Variants in NUP153 observed in about 807,000 individuals in gnomAD.
NUP153 encodes nuclear pore complex protein Nup153.
A neutral mutation model predicts 134.6 loss-of-function variants in NUP153; 27 were observed. The ratio of observed to expected loss-of-function variants is 0.20; its 90% confidence interval spans 0.15 to 0.28. The LOEUF is 0.28. NUP153 is among the 10% of genes least tolerant of loss of function. The probability of loss-of-function intolerance (pLI) is 1.00; values close to 1 mark genes in which losing one functional copy is unlikely to be tolerated. For synonymous variants in NUP153, 640 were observed against 623.5 expected (o/e 1.03, Z -0.40); for missense variants, 1,821 against 1,731.3 (o/e 1.05, Z -0.92).
At chr6:17,645,450 C>T (rs531820277) in intron 14 of NUP153, among the ~76,000 whole-genome samples, 2 of 149,274 alleles carry the variant, frequency 1.3e-5, no homozygotes, top group South Asian at 2.1e-4. Flanking sequence ...CACACCACCA[C>T]CTGGTTATTT....
intron 1 of NUP153, among the ~76,000 whole-genome samples, chr6:17,704,318 C>T (rs1046689798): frequency 2.0e-5 from 3 of 150,498 alleles, no homozygotes; most frequent in Admixed American, 6.6e-5. Context: ...GCTGTGATAA[C>T]TTCAGACATC....
At chr6:17,701,695 G>A (rs1019814593) in intron 1 of NUP153, among the ~76,000 whole-genome samples, 3 of 151,412 alleles carry the variant, frequency 2.0e-5, no homozygotes, top group Admixed American at 6.6e-5. Flanking sequence ...TTAGCTAGGC[G>A]TGGTGGCCTG....
Position 17,638,687 on chromosome 6 carries a change from C to T in NUP153, c.1847-917G>A, listed in dbSNP as rs1487779023. ...TAATTTCAGTCAAATGAAGATTCTC[C>T]CCAAACATTTCCTATTTAAGAAGTA... is the stretch of plus-strand genomic sequence containing the variant. On this transcript the variant is annotated intron_variant, in intron 15 of 21. Transcript: ENST00000262077. This position sits in a 1 kb window ranked among gnomAD's most constrained non-coding sequence, Gnocchi z 4.0. Among the ~76,000 whole-genome samples, 23 of 152,118 alleles carry T rather than the reference C, an allele frequency of 1.5e-4. No individual in the cohort carries two copies.
intron 2 of NUP153, among the ~76,000 whole-genome samples, chr6:17,686,275 T>C (rs576501842): frequency 3.3e-5 from 5 of 152,342 alleles, no homozygotes; most frequent in South Asian, 2.1e-4. Context: ...TGGATGTTAA[T>C]GCCCCTGAAG....
At chr6:17,669,258 C>T (rs1380518780) in intron 7 of NUP153, 35 bp downstream of exon 7, 2 of 1,574,932 alleles carry the variant, frequency 1.3e-6, no homozygotes, top group East Asian at 2.2e-5. Context: ...TTTGTATGAA[C>T]AATATTTTGT....
At chr6:17,645,158 G>C (rs940642418) in intron 14 of NUP153, among the ~76,000 whole-genome samples, 1 of 149,992 alleles carries the variant, frequency 6.7e-6, no homozygotes, top group Non-Finnish European at 1.5e-5. Context: ...AGGAGAAATC[G>C]TTTGAATTCG....
chr6:17,643,472 C>T (rs779833512), intron 14 of NUP153, among the ~76,000 whole-genome samples: 73 of 152,204 alleles, frequency 4.8e-4, no homozygotes, highest in Non-Finnish European at 9.1e-4. Flanking sequence ...CAACACCCAC[C>T]CCCAACCATC....
At chr6:17,672,373 T>C (rs1218538234) in intron 5 of NUP153, among the ~76,000 whole-genome samples, 1 of 151,144 alleles carries the variant, frequency 6.6e-6, no homozygotes, top group Non-Finnish European at 1.5e-5. Flanking sequence ...AGCCCAGGAG[T>C]ACAACACCAG....
At chr6:17,691,237 T>C (rs751387329) in intron 1 of NUP153, among the ~76,000 whole-genome samples, 20 of 152,312 alleles carry the variant, frequency 1.3e-4, no homozygotes, top group Non-Finnish European at 2.5e-4. Flanking sequence ...GATCTACAAG[T>C]AAGCTCTCTA....
chr6:17,697,192 G>A (rs1769709262), intron 1 of NUP153, among the ~76,000 whole-genome samples: 1 of 152,144 alleles, frequency 6.6e-6, no homozygotes, highest in Non-Finnish European at 1.5e-5. Flanking sequence ...AATGTGAACT[G>A]GCTAAATCCA....
Position 17,706,622 on chromosome 6 carries a change from G to T in NUP153, c.-235C>A. 1 of 566,700 alleles carries T rather than the reference G, an allele frequency of 1.8e-6. No homozygotes were observed. The allele number at this position is 566,700 out of a possible 1,614,324, so 35.1% of individuals were successfully genotyped here. A position where few individuals can be genotyped will look rare whatever the true frequency, so the allele number is the denominator to read the frequency against. ...GGCCGCAGAGGCCGAGGAGGCTCCG[G>T]TCCGGCCGCCTCTGCGGACCCCCGC... is the stretch of plus-strand genomic sequence containing the variant. On this transcript the variant is annotated 5_prime_UTR_variant, in exon 1 of 22. Transcript: ENST00000262077. This position sits in a 1 kb window ranked among gnomAD's most constrained non-coding sequence, Gnocchi z 5.9.
At chr6:17,671,224 G>A (rs1767886839) in intron 5 of NUP153, among the ~76,000 whole-genome samples, 1 of 151,836 alleles carries the variant, frequency 6.6e-6, no homozygotes, top group Non-Finnish European at 1.5e-5. Flanking sequence ...TTTTGTTGAG[G>A]TTTGTGTCTA....
intron 1 of NUP153, among the ~76,000 whole-genome samples, chr6:17,705,934 G>A (rs896875634): frequency 3.9e-5 from 6 of 152,158 alleles, no homozygotes; most frequent in South Asian, 2.1e-4. Flanking sequence ...GAGAGAACAT[G>A]AGTAATACCC....
At chr6:17,697,716 G>C (rs1581782285) in intron 1 of NUP153, among the ~76,000 whole-genome samples, 2 of 152,172 alleles carry the variant, frequency 1.3e-5, no homozygotes, top group East Asian at 3.9e-4. Flanking sequence ...AAGGCAGCTG[G>C]GGTGGGGGCA....
intron 2 of NUP153, among the ~76,000 whole-genome samples, chr6:17,687,201 C>A (rs1445003320): frequency 6.6e-6 from 1 of 152,090 alleles, no homozygotes; most frequent in African/African-American, 2.4e-5. Flanking sequence ...TTCAAATATG[C>A]TCATTAGGAT....
chr6:17,653,079 C>T (rs551877685), intron 11 of NUP153, among the ~76,000 whole-genome samples: 1 of 152,092 alleles, frequency 6.6e-6, no homozygotes, highest in African/African-American at 2.4e-5. Flanking sequence ...ATGGTGAAAC[C>T]CTGTCTCTAA....
chr6:17,616,289 G>GGA, intron 21 of NUP153, 108 bp from the exon 22 acceptor site: 2 of 467,356 alleles, frequency 4.3e-6, no homozygotes, highest in Non-Finnish European at 7.9e-6. Flanking sequence ...GGGTGGGGGG[G>GGA]GAGTAGACTC....
chr6:17,663,467 G>C (rs1408385306), intron 9 of NUP153, among the ~76,000 whole-genome samples: 1 of 152,010 alleles, frequency 6.6e-6, no homozygotes, highest in Non-Finnish European at 1.5e-5. Flanking sequence ...TCTTGCTATG[G>C]TGCCTGGGCT....
chr6:17,694,895 C>T (rs1769537066), intron 1 of NUP153, among the ~76,000 whole-genome samples: 1 of 151,838 alleles, frequency 6.6e-6, no homozygotes, highest in Non-Finnish European at 1.5e-5. Flanking sequence ...AGGAGAATCG[C>T]TTGAACCCAG....
Sources: allele counts gnomAD v4.1 joint callset (sites outside exome capture counted in the v4.1 genomes callset), GRCh38; gene constraint gnomAD v4.1.1; non-coding constraint Gnocchi (gnomAD v3.1); transcripts MANE v1.5; gene names NCBI Gene and HGNC (gene_info 2026-07-23, HGNC 2026-07-21).